The following NTNG1 variants were observed in gnomAD, a reference collection of about 807,000 sequenced individuals.
The protein encoded by NTNG1 is netrin G1, also known as netrin-G1.
Under a neutral mutation model 54.0 loss-of-function variants are expected in NTNG1, and 16 were observed. The observed-to-expected ratio is 0.30, with a 90% CI of 0.20 to 0.45. The LOEUF is 0.45. NTNG1 is among the 20% of genes least tolerant of loss of function. The probability of loss-of-function intolerance (pLI) is 1.00; values close to 1 mark genes in which losing one functional copy is unlikely to be tolerated. For missense variants in NTNG1, 530 were observed against 678.7 expected (o/e 0.78, Z 2.43); for synonymous variants, 255 against 263.1 (o/e 0.97, Z 0.30).
intron 3 of NTNG1, among the ~76,000 whole-genome samples, chr1:107,391,772 T>C (rs140249923): frequency 2.0e-5 from 3 of 152,182 alleles, no homozygotes; most frequent in African/African-American, 7.2e-5. Context: ...GAGAACTCAG[T>C]CATTACCACA....
chr1:107,447,662 CA>C (rs1283598218), intron 7 of NTNG1, among the ~76,000 whole-genome samples: 2 of 152,052 alleles, frequency 1.3e-5, no homozygotes, highest in African/African-American at 2.4e-5. Context: ...TTGATAGAAA[CA>C]TCTAATAAAA....
intron 5 of NTNG1, among the ~76,000 whole-genome samples, chr1:107,413,486 T>G (rs1673982696): frequency 6.6e-6 from 1 of 152,134 alleles, no homozygotes; most frequent in Non-Finnish European, 1.5e-5. Context: ...ATTTCCAGAT[T>G]TCCTGAGGAA....
chr1:107,214,781 C>T (rs1433396624), intron 2 of NTNG1, among the ~76,000 whole-genome samples: 1 of 106,970 alleles, frequency 9.3e-6, no homozygotes, highest in East Asian at 2.8e-4. Context: ...TCACCACATC[C>T]ATGCCATCAT....
intron 2 of NTNG1, among the ~76,000 whole-genome samples, chr1:107,230,820 C>T (rs772313011): frequency 6.6e-6 from 1 of 151,810 alleles, no homozygotes; most frequent in Admixed American, 6.6e-5. Context: ...GACATTTGAC[C>T]CACTAGTTGG....
intron 3 of NTNG1, among the ~76,000 whole-genome samples, chr1:107,391,894 A>C (rs1346518312): frequency 2.6e-5 from 4 of 152,160 alleles, no homozygotes; most frequent in African/African-American, 7.2e-5. Flanking sequence ...GGAGGGGACA[A>C]AATATCCAAA....
chr1:107,205,222 T>A (rs929666635), intron 2 of NTNG1, among the ~76,000 whole-genome samples: 1 of 152,204 alleles, frequency 6.6e-6, no homozygotes, highest in Non-Finnish European at 1.5e-5. Context: ...TATGAGTCTA[T>A]GGCTTCAGAG....
chr1:107,469,082 A>G (rs182386223), intron 7 of NTNG1, among the ~76,000 whole-genome samples: 1 of 141,412 alleles, frequency 7.1e-6, no homozygotes, highest in Non-Finnish European at 1.5e-5. Flanking sequence ...GGGTGACAGG[A>G]TCAAAACTCC....
chr1:107,367,901 A>T (rs1014354517), intron 3 of NTNG1, among the ~76,000 whole-genome samples: 3 of 151,990 alleles, frequency 2.0e-5, no homozygotes, highest in Non-Finnish European at 4.4e-5. Context: ...AGCTGTGACT[A>T]CATGCACACA....
intron 3 of NTNG1, among the ~76,000 whole-genome samples, chr1:107,369,357 C>T (rs1209280994): frequency 3.3e-5 from 5 of 152,120 alleles, no homozygotes; most frequent in Admixed American, 6.5e-5. Flanking sequence ...ACGTTACATT[C>T]GCACTCACAG....
intron 3 of NTNG1, among the ~76,000 whole-genome samples, chr1:107,360,023 C>T (rs2100941407): frequency 6.6e-6 from 1 of 152,230 alleles, no homozygotes; most frequent in Admixed American, 6.5e-5. Flanking sequence ...TTAATCAAGC[C>T]TAAACTGTTC....
chr1:107,300,799 A>C (rs1173654481), intron 2 of NTNG1, among the ~76,000 whole-genome samples: 2 of 152,218 alleles, frequency 1.3e-5, no homozygotes, highest in African/African-American at 2.4e-5. Context: ...GTTAATGTTA[A>C]CATTTTAAGA....
chr1:107,376,403 G>A (rs537176823), intron 3 of NTNG1, among the ~76,000 whole-genome samples: 12 of 128,050 alleles, frequency 9.4e-5, no homozygotes, highest in African/African-American at 1.5e-4. Context: ...GTGAGACTCC[G>A]TCTCAAAACA....
At chr1:107,354,295 CCT>C (rs1669807556) in intron 3 of NTNG1, among the ~76,000 whole-genome samples, 1 of 151,376 alleles carries the variant, frequency 6.6e-6, no homozygotes, top group Non-Finnish European at 1.5e-5. Context: ...ATGGTGACAC[CCT>C]GTCTCTACTA....
At chr1:107,255,127 G>A (rs564185639) in intron 2 of NTNG1, among the ~76,000 whole-genome samples, 6 of 152,082 alleles carry the variant, frequency 3.9e-5, no homozygotes, top group Admixed American at 6.5e-5. Flanking sequence ...AAATGAGAAG[G>A]AAATAACCAA....
intron 2 of NTNG1, among the ~76,000 whole-genome samples, chr1:107,253,523 A>T (rs1442103747): frequency 6.6e-6 from 1 of 152,232 alleles, no homozygotes; most frequent in Non-Finnish European, 1.5e-5. Context: ...CACAGGTGTT[A>T]GAGAAGGGTA....
At chr1:107,217,280 TGGTTG>T (rs1660032890) in intron 2 of NTNG1, among the ~76,000 whole-genome samples, 1 of 152,140 alleles carries the variant, frequency 6.6e-6, no homozygotes, top group South Asian at 2.1e-4. Context: ...TCTGTGGTAT[TGGTTG>T]TAATATCTTC....
chr1:107,483,962 TAGAG>T lies in NTNG1; in HGVS notation c.*3126_*3129del, dbSNP rs1048698787. Among the ~76,000 whole-genome samples, 201 of 152,248 alleles carry T rather than the reference TAGAG, an allele frequency of 1.3e-3. No individual in the cohort carries two copies. Among genetic ancestry groups the T allele is most frequent in the African/African-American group, 4.6e-3 (192 of 41,550 alleles). On this transcript the variant is annotated 3_prime_UTR_variant, in exon 8 of 8. Coordinates refer to ENST00000370068, the MANE Select transcript of NTNG1 (RefSeq NM_001113226.3). ...AGTCCAGCAAAGAGGGGACCTTGCT[TAGAG>T]AGACCCATTCTGACTCTCCTCCAGC...
chr1:107,423,257 C>T (rs1417587606), intron 5 of NTNG1, among the ~76,000 whole-genome samples: 1 of 152,006 alleles, frequency 6.6e-6, no homozygotes, highest in Non-Finnish European at 1.5e-5. Context: ...GAATAGTACT[C>T]AATGGGGATG....
intron 2 of NTNG1, among the ~76,000 whole-genome samples, chr1:107,296,456 C>T (rs966937659): frequency 6.6e-6 from 1 of 151,526 alleles, no homozygotes; most frequent in African/African-American, 2.4e-5. Flanking sequence ...TTTTTAATCA[C>T]TAAGAGAAAT....
Sources: allele counts gnomAD v4.1 joint callset (sites outside exome capture counted in the v4.1 genomes callset), GRCh38; gene constraint gnomAD v4.1.1; transcripts MANE v1.5; gene names NCBI Gene and HGNC (gene_info 2026-07-23, HGNC 2026-07-21).